DNAH14: variants seen among roughly 807,000 people sequenced by gnomAD.
The protein encoded by DNAH14 is dynein axonemal heavy chain 14, also known as axonemal beta dynein heavy chain 14.
DNAH14 carries 478 observed loss-of-function variants against 520.9 expected under a neutral mutation model. The ratio of observed to expected loss-of-function variants is 0.92; its 90% CI spans 0.85 to 0.99. DNAH14 has a LOEUF of 0.99. Among genes scored for constraint, DNAH14 ranks in the 50% least tolerant of loss-of-function variants. The pLI, the probability that DNAH14 is intolerant of heterozygous loss-of-function variation, is 0.00. For synonymous variants in DNAH14, 1,581 were observed against 1,757.2 expected (o/e 0.90, Z 2.51); for missense variants, 4,831 against 5,234.5 (o/e 0.92, Z 2.38).
chr1:225,268,284 C>A (rs941362417), intron 49 of DNAH14, among the ~76,000 whole-genome samples: 4 of 152,184 alleles, frequency 2.6e-5, no homozygotes, highest in Non-Finnish European at 4.4e-5. Flanking sequence ...AACAACCCTT[C>A]ATGCTAAACA....
chr1:225,376,163 A>AT (rs2095697962), intron 78 of DNAH14, among the ~76,000 whole-genome samples: 1 of 152,134 alleles, frequency 6.6e-6, no homozygotes, highest in Admixed American at 6.6e-5. Context: ...GTGGTGGCTC[A>AT]TGCCTATAAT....
At chr1:225,076,719 C>G (rs2072322275) in intron 17 of DNAH14, among the ~76,000 whole-genome samples, 1 of 152,130 alleles carries the variant, frequency 6.6e-6, no homozygotes, top group Non-Finnish European at 1.5e-5. Flanking sequence ...CTCTTTCTGG[C>G]TGCTCTTTGT....
At chr1:225,370,017 C>T (rs544941448) in intron 77 of DNAH14, among the ~76,000 whole-genome samples, 6 of 152,276 alleles carry the variant, frequency 3.9e-5, no homozygotes, top group Non-Finnish European at 5.9e-5. Context: ...GAAACCTGCA[C>T]GGTGGCTCAC....
chr1:225,022,912 A>G (rs182027954), intron 10 of DNAH14, among the ~76,000 whole-genome samples: 22 of 152,324 alleles, frequency 1.4e-4, no homozygotes, highest in Non-Finnish European at 2.6e-4. Flanking sequence ...CCACCCAGCC[A>G]TGAAAAGAAC....
intron 18 of DNAH14, among the ~76,000 whole-genome samples, chr1:225,079,921 C>T (rs1412922839): frequency 6.6e-6 from 1 of 152,052 alleles, no homozygotes; most frequent in African/African-American, 2.4e-5. Flanking sequence ...GATCCACTCG[C>T]CTCAGCCCCC....
intron 74 of DNAH14, among the ~76,000 whole-genome samples, chr1:225,358,900 G>A (rs1450007895): frequency 6.6e-6 from 1 of 152,160 alleles, no homozygotes; most frequent in East Asian, 1.9e-4. Context: ...CTGCCACCCT[G>A]CAAAGAAGGT....
chr1:225,277,374 C>G (rs2093511909), intron 53 of DNAH14, 36 bp from the exon 54 acceptor site: 1 of 455,148 alleles, frequency 2.2e-6, no homozygotes, highest in East Asian at 7.1e-5. Context: ...TTTTCTGTAC[C>G]TATAATCCAT....
chr1:225,286,363 G>T (rs1036539953), intron 54 of DNAH14, among the ~76,000 whole-genome samples: 6 of 151,894 alleles, frequency 4.0e-5, no homozygotes, highest in African/African-American at 1.5e-4. Flanking sequence ...ACTCCAATTT[G>T]ATTATTATAC....
intron 4 of DNAH14, among the ~76,000 whole-genome samples, chr1:224,961,932 A>C (rs994939228): frequency 2.0e-5 from 3 of 152,126 alleles, no homozygotes; most frequent in African/African-American, 7.2e-5. Context: ...TACTGATTGC[A>C]TTTCTTTAAT....
At chr1:225,200,405 T>C (rs1415513458) in intron 38 of DNAH14, among the ~76,000 whole-genome samples, 3 of 152,132 alleles carry the variant, frequency 2.0e-5, no homozygotes, top group Non-Finnish European at 4.4e-5. Flanking sequence ...TTTCATTTTT[T>C]TGGTTTTTTT....
rs1284421047 is a variant in DNAH14, at chr1:225,367,915, A to G, written c.12201A>G (p.Gln4067=). 10 of 1,551,554 alleles carry G rather than the reference A, an allele frequency of 6.4e-6. No homozygotes were observed. The East Asian group carries it at 2.2e-4, about 34-fold the overall frequency. ...EEIFENPDCG[Q]WWKKLLFSLC... ...TATTTGAAAATCCTGACTGTGGACAATGGTGGAAAAAACTTTTATTTAGCC... is the reference window on the plus strand; with the variant it reads ...TATTTGAAAATCCTGACTGTGGACAGTGGTGGAAAAAACTTTTATTTAGCC... Residue 4067 remains glutamine (Q), a synonymous_variant, in exon 77 of 86, where the codon CAA becomes CAG. Coordinates refer to ENST00000682510, the MANE Select transcript of DNAH14 (RefSeq NM_001367479.1).
rs60161891 is a variant in DNAH14, at chr1:225,227,130, G to A, written c.6440-3943G>A. On this transcript the variant is annotated intron_variant, in intron 41 of 85. Transcript: ENST00000682510. Reference sequence around the variant, plus strand: ...TTCCTCTTATCTCAACTGCAAAGAGGCCTTCCTCTTTCACTAATCCTCCTC... The same window carrying A: ...TTCCTCTTATCTCAACTGCAAAGAGACCTTCCTCTTTCACTAATCCTCCTC... Among the ~76,000 whole-genome samples the A allele has an allele frequency of 4.9e-3, 745 of 151,818 alleles. 6 individuals are homozygous for A. Among genetic ancestry groups the A allele is most frequent in the African/African-American group, 0.017 (704 of 41,424 alleles).
chr1:224,976,381 A>G (rs2061843136), intron 8 of DNAH14, among the ~76,000 whole-genome samples: 1 of 152,048 alleles, frequency 6.6e-6, no homozygotes, highest in African/African-American at 2.4e-5. Context: ...AACCATAAAA[A>G]CCCTAGAAGA....
chr1:225,038,065 T>C (rs1156655854), intron 11 of DNAH14, among the ~76,000 whole-genome samples: 1 of 152,220 alleles, frequency 6.6e-6, no homozygotes, highest in African/African-American at 2.4e-5. Flanking sequence ...TGCTCTTCAG[T>C]GTTCTTTTTC....
intron 11 of DNAH14, among the ~76,000 whole-genome samples, chr1:225,030,492 C>A (rs776038455): frequency 6.6e-6 from 1 of 151,712 alleles, no homozygotes; most frequent in Non-Finnish European, 1.5e-5. Context: ...CCAATATTTT[C>A]TTTTAGAAGT....
chr1:225,116,485 G>A (rs1162712140), intron 23 of DNAH14, among the ~76,000 whole-genome samples: 4 of 152,084 alleles, frequency 2.6e-5, no homozygotes, highest in South Asian at 2.1e-4. Flanking sequence ...AAGAGGTCCC[G>A]GGTTATGCCT....
intron 37 of DNAH14, among the ~76,000 whole-genome samples, chr1:225,190,989 T>C (rs1159318374): frequency 6.6e-6 from 1 of 152,052 alleles, no homozygotes; most frequent in Non-Finnish European, 1.5e-5. Context: ...CTGCTTTATG[T>C]TGTTAGTGTC....
intron 82 of DNAH14, among the ~76,000 whole-genome samples, chr1:225,389,532 C>T (rs1405743236): frequency 2.6e-5 from 4 of 152,258 alleles, no homozygotes; most frequent in African/African-American, 9.6e-5. Flanking sequence ...AAATCTGTTA[C>T]CTTCCAGCCT....
chr1:224,943,220 G>A (rs988750312), intron 1 of DNAH14, among the ~76,000 whole-genome samples: 1 of 152,140 alleles, frequency 6.6e-6, no homozygotes, highest in African/African-American at 2.4e-5. Flanking sequence ...CTTCTTCCTG[G>A]TTTAGTCTTG....
Sources: gnomAD v4.1 joint callset for allele counts (sites outside exome capture counted in the v4.1 genomes callset) on GRCh38, gnomAD v4.1.1 for gene constraint, MANE v1.5 for transcripts, NCBI Gene and HGNC (gene_info 2026-07-23, HGNC 2026-07-21) for gene names.